The following STXBP5L variants were observed in gnomAD, a reference collection of about 807,000 sequenced individuals.
The protein encoded by STXBP5L is syntaxin-binding protein 5-like.
Under a neutral mutation model 144.5 loss-of-function variants are expected in STXBP5L, and 65 were observed. That is an observed-to-expected ratio of 0.45 (90% CI 0.37 to 0.55). The LOEUF is 0.55. Ranked by LOEUF, STXBP5L falls within the 20% of genes least tolerant of loss-of-function variation. The pLI, the probability that STXBP5L is intolerant of heterozygous loss-of-function variation, is 0.00. For synonymous variants in STXBP5L, 505 were observed against 469.6 expected (o/e 1.08, Z -0.97); for missense variants, 1,298 against 1,405.5 (o/e 0.92, Z 1.22).
intron 20 of STXBP5L, among the ~76,000 whole-genome samples, chr3:121,362,170 C>T (rs931269312): frequency 3.3e-5 from 5 of 152,228 alleles, no homozygotes; most frequent in African/African-American, 1.2e-4. Context: ...TTCTAAGCCA[C>T]CTTAAGCTGG....
intron 2 of STXBP5L, among the ~76,000 whole-genome samples, chr3:120,945,751 G>A (rs570588554): frequency 6.6e-6 from 1 of 151,714 alleles, no homozygotes; most frequent in African/African-American, 2.4e-5. Flanking sequence ...AGCCAGAGTT[G>A]GCATCAGTTC....
At chr3:121,246,231 T>C (rs534625582) in intron 14 of STXBP5L, among the ~76,000 whole-genome samples, 21 of 152,284 alleles carry the variant, frequency 1.4e-4, no homozygotes, top group African/African-American at 2.2e-4. Flanking sequence ...GAGATCTAGG[T>C]TGCACGCTTC....
chr3:120,991,037 A>C (rs1942803446), intron 3 of STXBP5L, among the ~76,000 whole-genome samples: 1 of 152,004 alleles, frequency 6.6e-6, no homozygotes, highest in Admixed American at 6.6e-5. Context: ...ATCAGAGTGA[A>C]CAGGCAACCT....
intron 5 of STXBP5L, among the ~76,000 whole-genome samples, chr3:121,061,286 G>T (rs995691936): frequency 6.6e-6 from 1 of 152,206 alleles, no homozygotes; most frequent in African/African-American, 2.4e-5. Flanking sequence ...GTGGTTTTGA[G>T]TGAGTTTCTT....
At chr3:121,293,724 A>G (rs1488233916) in intron 19 of STXBP5L, among the ~76,000 whole-genome samples, 1 of 152,120 alleles carries the variant, frequency 6.6e-6, no homozygotes, top group Non-Finnish European at 1.5e-5. Context: ...AGCCGGGTGT[A>G]TTGGTGGGTG....
chr3:121,406,371 C>A (rs1332467596), intron 22 of STXBP5L, among the ~76,000 whole-genome samples: 4 of 151,816 alleles, frequency 2.6e-5, no homozygotes, highest in African/African-American at 9.7e-5. Context: ...ACATGTACAC[C>A]CTTGAGACAT....
chr3:121,258,994 A>G, intron 17 of STXBP5L, 49 bp from the exon 18 acceptor site: 2 of 1,487,742 alleles, frequency 1.3e-6, no homozygotes, highest in East Asian at 2.5e-5. Context: ...GATAAGTTTG[A>G]CCATGTTTAT....
At chr3:121,000,649 C>T (rs1209835502) in intron 3 of STXBP5L, among the ~76,000 whole-genome samples, 3 of 152,134 alleles carry the variant, frequency 2.0e-5, no homozygotes, top group Non-Finnish European at 4.4e-5. Flanking sequence ...AGAACTATTG[C>T]TGGGAAGCTA....
intron 10 of STXBP5L, among the ~76,000 whole-genome samples, chr3:121,213,451 A>T (rs1179489983): frequency 6.6e-6 from 1 of 152,192 alleles, no homozygotes; most frequent in Non-Finnish European, 1.5e-5. Flanking sequence ...CCTTTTCTAC[A>T]TCTATTGAGA....
intron 3 of STXBP5L, among the ~76,000 whole-genome samples, chr3:121,024,183 A>G (rs905029792): frequency 6.6e-5 from 10 of 152,212 alleles, no homozygotes; most frequent in African/African-American, 2.4e-4. Flanking sequence ...CTAAAAAAGT[A>G]TTGCTGTCCA....
At chr3:120,975,208 T>G (rs1249572926) in intron 3 of STXBP5L, among the ~76,000 whole-genome samples, 1 of 152,206 alleles carries the variant, frequency 6.6e-6, no homozygotes, top group East Asian at 1.9e-4. Flanking sequence ...TTGTATCCTC[T>G]TTTATTTCCT....
At chr3:121,100,866 AAAG>A (rs2043386436) in intron 5 of STXBP5L, among the ~76,000 whole-genome samples, 1 of 152,058 alleles carries the variant, frequency 6.6e-6, no homozygotes, top group Admixed American at 6.6e-5. Flanking sequence ...CAAAGAAAAA[AAAG>A]AGGAAAGATC....
At chr3:120,935,078 T>A (rs953941763) in intron 2 of STXBP5L, among the ~76,000 whole-genome samples, 1 of 151,952 alleles carries the variant, frequency 6.6e-6, no homozygotes, top group East Asian at 1.9e-4. Flanking sequence ...TGGTTTTTTT[T>A]TGGTCTTATA....
At chr3:121,370,879 A>T (rs2108659713) in intron 20 of STXBP5L, among the ~76,000 whole-genome samples, 1 of 152,252 alleles carries the variant, frequency 6.6e-6, no homozygotes, top group East Asian at 1.9e-4. Context: ...TCTTTCCTGC[A>T]CTGGCTGTTT....
chr3:121,070,305 A>C (rs1004817841), intron 5 of STXBP5L, among the ~76,000 whole-genome samples: 8 of 152,224 alleles, frequency 5.3e-5, no homozygotes, highest in Non-Finnish European at 1.0e-4. Context: ...ACTTATTGGT[A>C]TTGTGACCCT....
At chr3:121,196,944 A>G (rs1324878097) in intron 9 of STXBP5L, among the ~76,000 whole-genome samples, 1 of 151,874 alleles carries the variant, frequency 6.6e-6, no homozygotes, top group African/African-American at 2.4e-5. Context: ...CAGCCTCCCA[A>G]AGTGCTGGGA....
rs532455384 is a variant in STXBP5L, at chr3:121,378,569, T to C, written c.2177-147T>C. On this transcript the variant is annotated intron_variant, in intron 20 of 26. Coordinates refer to ENST00000471454, the MANE Select transcript of STXBP5L (RefSeq NM_001308330.2). ...TAACTACTAAAATTATGACTAAGTC[T>C]TAAAAGAACAAGGACTTAACTATAT... is the stretch of plus-strand genomic sequence containing the variant. 3.3e-5 allele frequency: 31 copies of C among 942,480 alleles called. No homozygotes were observed. In the African/African-American group the frequency reaches 4.3e-4, roughly 13 times the overall value. 58.4% of individuals were successfully genotyped at this position (942,480 alleles called of 1,614,324 possible). A position where few individuals can be genotyped will look rare whatever the true frequency, so the allele number is the denominator to read the frequency against.
intron 14 of STXBP5L, among the ~76,000 whole-genome samples, chr3:121,247,576 G>T (rs984945718): frequency 1.3e-5 from 2 of 152,250 alleles, no homozygotes; most frequent in Middle Eastern, 3.4e-3. Flanking sequence ...GTGGTATTTA[G>T]TTTTCTGTTC....
At position 121,026,165 on chromosome 3, in the gene STXBP5L, A is replaced by G. The variant is rs1028201581; in HGVS notation, c.288-15535A>G. 2.0e-5 allele frequency among the ~76,000 whole-genome samples: 3 copies of G among 151,644 alleles called. No individual in the cohort carries two copies. The South Asian group carries it at 6.2e-4, about 31-fold the overall frequency. Reference sequence around the variant, plus strand: ...ATCACCTTGATTTAAAGGTGTCTATATGATCAAGTACTTGCTTCTTCTCCA... The same window carrying G: ...ATCACCTTGATTTAAAGGTGTCTATGTGATCAAGTACTTGCTTCTTCTCCA... On this transcript the variant is annotated intron_variant, in intron 3 of 26. Transcript: ENST00000471454.
Sources: gnomAD v4.1 joint callset for allele counts (sites outside exome capture counted in the v4.1 genomes callset) on GRCh38, gnomAD v4.1.1 for gene constraint, MANE v1.5 for transcripts, NCBI Gene and HGNC (gene_info 2026-07-23, HGNC 2026-07-21) for gene names.